CSRNP3: variants seen among roughly 807,000 people sequenced by gnomAD.
CSRNP3 encodes the protein cysteine/serine-rich nuclear protein 3.
A neutral mutation model predicts 48.0 loss-of-function variants in CSRNP3; 12 were observed. The ratio of observed to expected loss-of-function variants is 0.25; its 90% CI spans 0.16 to 0.41. CSRNP3 has a LOEUF of 0.41. Among genes scored for constraint, CSRNP3 ranks in the 10% least tolerant of loss-of-function variants. The pLI, the probability that CSRNP3 is intolerant of heterozygous loss-of-function variation, is 1.00. For synonymous variants in CSRNP3, 263 were observed against 269.7 expected (o/e 0.98, Z 0.24); for missense variants, 580 against 724.4 (o/e 0.80, Z 2.29).
At position 165,676,228 on chromosome 2, in the gene CSRNP3, A is replaced by C. The variant is rs1687421019; in HGVS notation, c.409-84A>C. The C allele has an allele frequency of 3.2e-6, 3 of 950,790 alleles. 1 individual carries two copies. In the South Asian group the frequency reaches 4.5e-5, roughly 14 times the overall value. 58.9% of individuals were successfully genotyped at this position (950,790 alleles called of 1,614,324 possible). On this transcript the variant is annotated intron_variant, in intron 5 of 6. Transcript: ENST00000651982. ...GATTATGAGGACATGATGATATATA[A>C]TAGTTCATTCTCACCCAGTACAAAC...
intron 5 of CSRNP3, among the ~76,000 whole-genome samples, chr2:165,668,930 A>G (rs1687282979): frequency 6.6e-6 from 1 of 152,212 alleles, no homozygotes; most frequent in Non-Finnish European, 1.5e-5. Flanking sequence ...CTTCAACATC[A>G]TCATTAATTG....
chr2:165,626,346 T>C (rs1392492366), intron 4 of CSRNP3, among the ~76,000 whole-genome samples: 1 of 151,956 alleles, frequency 6.6e-6, no homozygotes, highest in African/African-American at 2.4e-5. Flanking sequence ...GAGATGGACA[T>C]CTAAGGTAAG....
At chr2:165,568,830 A>C (rs534790624) in intron 3 of CSRNP3, among the ~76,000 whole-genome samples, 8 of 152,086 alleles carry the variant, frequency 5.3e-5, no homozygotes, top group Non-Finnish European at 1.0e-4. Context: ...TCTAAATTAT[A>C]ATATCCAAAA....
At position 165,685,890 on chromosome 2, in the gene CSRNP3, T is replaced by C. The variant is rs1274557688; in HGVS notation, c.*6137T>C. 1 of 152,106 alleles carries C rather than the reference T, an allele frequency of 6.6e-6. No homozygotes were observed. Among genetic ancestry groups the C allele is most frequent in the Non-Finnish European group, 1.5e-5 (1 of 68,000 alleles). The allele number at this position is 152,106 out of a possible 1,614,324, so 9.4% of individuals were successfully genotyped here. A position where few individuals can be genotyped will look rare whatever the true frequency, so the allele number is the denominator to read the frequency against. On this transcript the variant is annotated 3_prime_UTR_variant, in exon 7 of 7. Coordinates refer to ENST00000651982, the MANE Select transcript of CSRNP3 (RefSeq NM_001172173.2). ...ATTACCACGGTGATAGTTAAGTTCA[T>C]TCGTTAACTCATTTTAGTGACATGT...
chr2:165,522,466 C>T (rs896947688), intron 3 of CSRNP3, among the ~76,000 whole-genome samples: 11 of 151,682 alleles, frequency 7.3e-5, no homozygotes, highest in South Asian at 6.3e-4. Context: ...CAAAATAATA[C>T]GACAATATAA....
intron 5 of CSRNP3, among the ~76,000 whole-genome samples, chr2:165,674,522 G>C (rs759911163): frequency 1.9e-4 from 29 of 150,892 alleles, no homozygotes; most frequent in South Asian, 6.3e-4. Context: ...GCCAAGGAAG[G>C]AAATAAATTT....
chr2:165,657,740 G>A lies in CSRNP3; in HGVS notation c.149-21G>A, dbSNP rs768975428. On this transcript the variant is annotated intron_variant, in intron 4 of 6. Coordinates refer to ENST00000651982, the MANE Select transcript of CSRNP3 (RefSeq NM_001172173.2). ...AAACTGCTGCCCCAAGTGTTCACAG[G>A]ATTGTTTCTTTCTCTTTCAGCTTCC... is the stretch of plus-strand genomic sequence containing the variant. 1.1e-5 allele frequency: 18 copies of A among 1,610,640 alleles called. No homozygotes were observed. In the East Asian group the frequency reaches 4.0e-4, roughly 36 times the overall value.
At chr2:165,656,252 A>G (rs559013088) in intron 4 of CSRNP3, among the ~76,000 whole-genome samples, 2 of 152,342 alleles carry the variant, frequency 1.3e-5, no homozygotes, top group South Asian at 4.1e-4. Flanking sequence ...ACTTCAATGT[A>G]AAATGAAGGG....
At chr2:165,504,218 A>G (rs1228485802) in intron 2 of CSRNP3, among the ~76,000 whole-genome samples, 3 of 152,058 alleles carry the variant, frequency 2.0e-5, no homozygotes, top group Non-Finnish European at 4.4e-5. Context: ...AGATAATAAG[A>G]TGAAAGTTAC....
At chr2:165,627,585 CT>C (rs1686459064) in intron 4 of CSRNP3, among the ~76,000 whole-genome samples, 3 of 152,154 alleles carry the variant, frequency 2.0e-5, no homozygotes. Flanking sequence ...TTCTTCTCCC[CT>C]CACATTGCAC....
intron 3 of CSRNP3, among the ~76,000 whole-genome samples, chr2:165,526,241 GCTTGTAGATATCTACA>G (rs1684730438): frequency 6.6e-6 from 1 of 152,056 alleles, no homozygotes; most frequent in Admixed American, 6.6e-5. Flanking sequence ...TTTAGAGTTA[GCTTGTAGATATCTACA>G]AAAAAGCCTG....
chr2:165,631,748 G>A (rs773045784), intron 4 of CSRNP3, among the ~76,000 whole-genome samples: 1 of 152,110 alleles, frequency 6.6e-6, no homozygotes, highest in Non-Finnish European at 1.5e-5. Flanking sequence ...AGCCTTGCAG[G>A]CCAAACCCAC....
At chr2:165,654,964 G>C (rs1201527067) in intron 4 of CSRNP3, among the ~76,000 whole-genome samples, 4 of 152,146 alleles carry the variant, frequency 2.6e-5, no homozygotes, top group African/African-American at 9.7e-5. Flanking sequence ...CAATCATCTA[G>C]AAAGTGGCTA....
chr2:165,552,151 G>T (rs548552323), intron 3 of CSRNP3, among the ~76,000 whole-genome samples: 1 of 152,346 alleles, frequency 6.6e-6, no homozygotes, highest in South Asian at 2.1e-4. Context: ...TTATCAGCAT[G>T]TTGGTCAGTG....
At chr2:165,670,572 A>C (rs552559805) in intron 5 of CSRNP3, among the ~76,000 whole-genome samples, 1 of 152,358 alleles carries the variant, frequency 6.6e-6, no homozygotes, top group South Asian at 2.1e-4. Flanking sequence ...CAAATTATTT[A>C]ACATTCCTGT....
At chr2:165,672,783 T>C (rs1283834817) in intron 5 of CSRNP3, among the ~76,000 whole-genome samples, 1 of 152,228 alleles carries the variant, frequency 6.6e-6, no homozygotes, top group Admixed American at 6.5e-5. Flanking sequence ...ATCTATGTAG[T>C]GCTCTGATTT....
chr2:165,502,683 C>G (rs771564847), intron 2 of CSRNP3, among the ~76,000 whole-genome samples: 1 of 151,958 alleles, frequency 6.6e-6, no homozygotes, highest in East Asian at 1.9e-4. Flanking sequence ...GGTATTTTCT[C>G]TCTGTCTGTC....
chr2:165,558,442 C>T (rs1043055922), intron 3 of CSRNP3, among the ~76,000 whole-genome samples: 8 of 152,298 alleles, frequency 5.3e-5, no homozygotes, highest in African/African-American at 1.9e-4. Flanking sequence ...AAAGGTTTTA[C>T]ATAAGTTAGT....
rs1328365200 is a variant in CSRNP3, at chr2:165,680,112, T to C, written c.*359T>C. 5.3e-6 allele frequency: 1 copy of C among 188,206 alleles called. No individual in the cohort carries two copies. Among genetic ancestry groups the C allele is most frequent in the Non-Finnish European group, 1.1e-5 (1 of 92,090 alleles). The allele number at this position is 188,206 out of a possible 1,614,324, so 11.7% of individuals were successfully genotyped here. A position where few individuals can be genotyped will look rare whatever the true frequency, so the allele number is the denominator to read the frequency against. The stretch of plus-strand genomic sequence containing the variant: ...AAGATTGTTAACTAAGGCTGGGAAA[T>C]AATAAGATTTAGAGTCCTAATTTTC... On this transcript the variant is annotated 3_prime_UTR_variant, in exon 7 of 7. Transcript: ENST00000651982.
Sources: allele counts gnomAD v4.1 joint callset (sites outside exome capture counted in the v4.1 genomes callset), GRCh38; gene constraint gnomAD v4.1.1; transcripts MANE v1.5; gene names NCBI Gene and HGNC (gene_info 2026-07-23, HGNC 2026-07-21).